MYO5A: variants seen among roughly 807,000 people sequenced by gnomAD.
MYO5A encodes the protein unconventional myosin-Va.
MYO5A carries 98 observed loss-of-function variants against 249.7 expected under a neutral mutation model. The ratio of observed to expected loss-of-function variants is 0.39; its 90% CI spans 0.33 to 0.46. The LOEUF (loss-of-function observed/expected upper bound fraction) is 0.46. MYO5A is among the 20% of genes least tolerant of loss of function. MYO5A has a pLI of 0.98. For synonymous variants in MYO5A, 778 were observed against 810.6 expected (o/e 0.96, Z 0.68); for missense variants, 1,696 against 2,308.8 (o/e 0.73, Z 5.44).
At chr15:52,343,541 G>C (rs1209483996) in intron 30 of MYO5A, among the ~76,000 whole-genome samples, 1 of 152,158 alleles carries the variant, frequency 6.6e-6, no homozygotes. Flanking sequence ...TATTGTATTA[G>C]AGGTTATGAC....
chr15:52,378,971 C>T (rs2041589403), intron 18 of MYO5A, among the ~76,000 whole-genome samples: 2 of 152,196 alleles, frequency 1.3e-5, no homozygotes, highest in South Asian at 2.1e-4. Context: ...CTCTGTAACA[C>T]CAACCTACAT....
intron 1 of MYO5A, among the ~76,000 whole-genome samples, chr15:52,476,753 G>A (rs920836801): frequency 1.3e-4 from 20 of 152,242 alleles, no homozygotes; most frequent in South Asian, 2.1e-4. Flanking sequence ...AGTTTCTGCC[G>A]AGAGATCTGC....
At chr15:52,388,163 G>A (rs1223772451) in intron 13 of MYO5A, among the ~76,000 whole-genome samples, 1 of 152,162 alleles carries the variant, frequency 6.6e-6, no homozygotes, top group Admixed American at 6.5e-5. Flanking sequence ...GATCCTCTCA[G>A]TTAGTGGGTG....
rs750588256 is a variant in MYO5A, at chr15:52,353,587, G to A, written c.3621+18C>T. ...CAAAACAAAATATTCAAAGTCTTGA[G>A]CAGAAACTCCCCATTACCTTGAGTG... On this transcript the variant is annotated intron_variant, in intron 27 of 41. Coordinates refer to ENST00000399233, the MANE Select transcript of MYO5A (RefSeq NM_001382347.1). 3 of 1,610,950 alleles carry A rather than the reference G, an allele frequency of 1.9e-6. No individual in the cohort carries two copies. The highest frequency in any genetic ancestry group is 1.1e-5 in the South Asian group (1 of 91,024).
chr15:52,321,530 T>G lies in MYO5A; in HGVS notation c.4801-21A>C, dbSNP rs372040841. ...AAGCCCTAGAGTCATAAGGCAAAGT[T>G]AATGATACACATGAAGTAACCTGTC... On this transcript the variant is annotated intron_variant, in intron 37 of 41. Transcript: ENST00000399233. 2.1e-4 allele frequency: 338 copies of G among 1,613,396 alleles called. 2 individuals carry two copies. In the East Asian group the frequency reaches 3.0e-3, roughly 14 times the overall value.
intron 9 of MYO5A, among the ~76,000 whole-genome samples, chr15:52,399,096 A>T (rs1299001294): frequency 6.6e-6 from 1 of 151,616 alleles, no homozygotes; most frequent in Non-Finnish European, 1.5e-5. Flanking sequence ...TTACATCAAG[A>T]TTGTTAACTG....
At chr15:52,521,934 C>A (rs778650997) in intron 1 of MYO5A, among the ~76,000 whole-genome samples, 1 of 152,164 alleles carries the variant, frequency 6.6e-6, no homozygotes, top group Non-Finnish European at 1.5e-5. Context: ...AGGCAGACAT[C>A]ATTAATAAAG....
At chr15:52,372,878 G>A (rs2041201270) in intron 20 of MYO5A, among the ~76,000 whole-genome samples, 1 of 151,970 alleles carries the variant, frequency 6.6e-6, no homozygotes, top group Non-Finnish European at 1.5e-5. Flanking sequence ...GCCCGTGCAT[G>A]AGGACACGGG....
intron 28 of MYO5A, 112 bp downstream of exon 28, chr15:52,351,142 T>C: frequency 1.2e-6 from 1 of 843,092 alleles, no homozygotes; most frequent in South Asian, 1.4e-5. Context: ...GAATCCTCAA[T>C]TAGATTAAAA....
chr15:52,366,202 C>T (rs2040797737), intron 23 of MYO5A, among the ~76,000 whole-genome samples: 1 of 152,180 alleles, frequency 6.6e-6, no homozygotes, highest in South Asian at 2.1e-4. Context: ...AAACTTAACA[C>T]TCCAACAACT....
At chr15:52,315,454 C>G (rs1177850021) in intron 40 of MYO5A, among the ~76,000 whole-genome samples, 4 of 151,788 alleles carry the variant, frequency 2.6e-5, no homozygotes, top group African/African-American at 9.7e-5. Flanking sequence ...GGCTCACTGC[C>G]ACTTCTGCCT....
intron 11 of MYO5A, among the ~76,000 whole-genome samples, chr15:52,393,609 A>G (rs2693457): frequency 0.96 from 145,673 of 152,098 alleles, 70,059 homozygotes; most frequent in East Asian, 1. Context: ...TAGCCAGGAC[A>G]GTCTCGATCT....
intron 1 of MYO5A, among the ~76,000 whole-genome samples, chr15:52,499,303 TC>T (rs1213735627): frequency 6.6e-6 from 1 of 152,242 alleles, no homozygotes; most frequent in Non-Finnish European, 1.5e-5. Flanking sequence ...TAATGGATTT[TC>T]TTTTTTTATT....
intron 39 of MYO5A, 36 bp from the exon 40 acceptor site, chr15:52,317,258 G>T: frequency 6.2e-7 from 1 of 1,603,676 alleles, no homozygotes; most frequent in South Asian, 1.1e-5. Flanking sequence ...ATGCAAATTT[G>T]CTGAATTTTG....
chr15:52,508,395 AAGT>A (rs2077318493), intron 1 of MYO5A, among the ~76,000 whole-genome samples: 1 of 151,942 alleles, frequency 6.6e-6, no homozygotes, highest in Non-Finnish European at 1.5e-5. Flanking sequence ...AAAAAAAAAA[AAGT>A]AGAACTAACC....
At chr15:52,517,681 A>G (rs2077522222) in intron 1 of MYO5A, among the ~76,000 whole-genome samples, 1 of 152,218 alleles carries the variant, frequency 6.6e-6, no homozygotes, top group South Asian at 2.1e-4. Context: ...AATGTGCTCC[A>G]GCCTGGGCAA....
Position 52,340,183 on chromosome 15 carries a change from C to T in MYO5A, c.4239+13G>A. The T allele has an allele frequency of 6.2e-7, 1 of 1,614,036 alleles. No homozygotes were observed. The highest frequency in any genetic ancestry group is 8.5e-7 in the Non-Finnish European group (1 of 1,179,936). On this transcript the variant is annotated intron_variant, in intron 32 of 41. Coordinates refer to ENST00000399233, the MANE Select transcript of MYO5A (RefSeq NM_001382347.1). ...TAGGTTAAGAAGCATGTGGACCCGGCAGCTCTCCTTACCAAGTTTTCGTTG... is the reference window on the plus strand; with the variant it reads ...TAGGTTAAGAAGCATGTGGACCCGGTAGCTCTCCTTACCAAGTTTTCGTTG...
intron 21 of MYO5A, among the ~76,000 whole-genome samples, 168 bp from the exon 22 acceptor site, chr15:52,370,585 G>T (rs896968922): frequency 3.3e-5 from 5 of 152,128 alleles, no homozygotes; most frequent in African/African-American, 1.2e-4. Flanking sequence ...TACCTTCTAG[G>T]TGACACAAAC....
At chr15:52,431,625 G>C (rs906294412) in intron 2 of MYO5A, among the ~76,000 whole-genome samples, 4 of 151,538 alleles carry the variant, frequency 2.6e-5, no homozygotes, top group Non-Finnish European at 5.9e-5. Context: ...AAGGTAACAG[G>C]GCTGGGAAAG....
Sources: allele counts gnomAD v4.1 joint callset (sites outside exome capture counted in the v4.1 genomes callset), GRCh38; gene constraint gnomAD v4.1.1; transcripts MANE v1.5; gene names NCBI Gene and HGNC (gene_info 2026-07-23, HGNC 2026-07-21).